LARGE1: variants seen among roughly 807,000 people sequenced by gnomAD.
LARGE1 encodes the protein LARGE xylosyl- and glucuronyltransferase 1.
Under a neutral mutation model 87.6 loss-of-function variants are expected in LARGE1, and 43 were observed. The observed-to-expected ratio is 0.49, with a 90% CI of 0.38 to 0.63. The LOEUF (loss-of-function observed/expected upper bound fraction) is 0.63. LARGE1 is among the 30% of genes least tolerant of loss of function. The probability of loss-of-function intolerance (pLI) is 0.00; values close to 1 mark genes in which losing one functional copy is unlikely to be tolerated. For missense variants in LARGE1, 802 were observed against 1,000.2 expected (o/e 0.80, Z 2.67); for synonymous variants, 434 against 394.6 (o/e 1.10, Z -1.18).
chr22:33,342,259 T>C lies in LARGE1; in HGVS notation c.1132-4458A>G, dbSNP rs573780321. ...CAGCAGGAAGGTTGATGGATGTGGA[T>C]CTGACTGAGGAAATGTTAAGCTTCT... On this transcript the variant is annotated intron_variant, in intron 9 of 14. Transcript: ENST00000397394. Among the ~76,000 whole-genome samples the C allele has an allele frequency of 2.0e-5, 3 of 152,268 alleles. No homozygotes were observed. In the South Asian group the frequency reaches 6.2e-4, roughly 32 times the overall value.
rs536294580 is a variant in LARGE1, at chr22:33,739,487, C to T, written c.106+21884G>A. ...CCTGGTCTAATTTACCCTGCAGCCA[C>T]GCAAGACAATGAAGTTGGGAATTTC... On this transcript the variant is annotated intron_variant, in intron 2 of 14. Transcript: ENST00000397394. Among the ~76,000 whole-genome samples, 78 of 152,308 alleles carry T rather than the reference C, an allele frequency of 5.1e-4. No homozygotes were observed. In the South Asian group the frequency reaches 0.01, roughly 20 times the overall value.
intron 6 of LARGE1, among the ~76,000 whole-genome samples, chr22:33,480,414 C>T (rs1418367710): frequency 2.1e-3 from 5 of 2,392 alleles, no homozygotes; most frequent in East Asian, 0.12. Context: ...AGAAGTCAAG[C>T]GGGTATAATC....
intron 6 of LARGE1, among the ~76,000 whole-genome samples, chr22:33,482,233 G>A (rs1162194211): frequency 6.6e-6 from 1 of 152,096 alleles, no homozygotes; most frequent in Non-Finnish European, 1.5e-5. Context: ...AAAACCTCTC[G>A]GAGACTCTAT....
intron 6 of LARGE1, among the ~76,000 whole-genome samples, chr22:33,444,380 T>C (rs1318923692): frequency 6.6e-6 from 1 of 152,364 alleles, no homozygotes; most frequent in South Asian, 2.1e-4. Flanking sequence ...TTAATTTTTT[T>C]CCCCTTATAG....
At chr22:33,625,942 A>C (rs548947881) in intron 4 of LARGE1, among the ~76,000 whole-genome samples, 1 of 152,318 alleles carries the variant, frequency 6.6e-6, no homozygotes, top group East Asian at 1.9e-4. Context: ...ATAACAACTG[A>C]GATCTGGTAA....
the LARGE1 span, among the ~76,000 whole-genome samples, chr22:33,118,790 G>A: frequency 6.6e-6 from 1 of 152,320 alleles, no homozygotes; most frequent in African/African-American, 2.4e-5. Flanking sequence ...TTCTATTTTG[G>A]TTGTAATTGA....
chr22:33,331,410 CTT>C (rs35310608), intron 10 of LARGE1, among the ~76,000 whole-genome samples: 6,657 of 135,286 alleles, frequency 0.049, 245 homozygotes, highest in African/African-American at 0.11. Flanking sequence ...CTCTTCTTAT[CTT>C]TTTTTTTTTT....
Position 33,528,758 on chromosome 22 carries a change from C to A in LARGE1, c.787+36090G>T, listed in dbSNP as rs1485153188. ...GGGGCATAACGAGGTATGTTTGACA[C>A]TGACACCCCCAACCCATCACGGCCG... is the stretch of plus-strand genomic sequence containing the variant. On this transcript the variant is annotated intron_variant, in intron 6 of 14. Coordinates refer to ENST00000397394, the MANE Select transcript of LARGE1 (RefSeq NM_133642.5). 2.0e-5 allele frequency among the ~76,000 whole-genome samples: 3 copies of A among 152,172 alleles called. No individual in the cohort carries two copies. The East Asian group carries it at 5.8e-4, about 29-fold the overall frequency.
In LARGE1 at chr22:33,482,544, G is replaced by A. The variant is rs191308667; in HGVS notation, c.788-50279C>T. Among the ~76,000 whole-genome samples the A allele has an allele frequency of 9.8e-4, 149 of 152,170 alleles. 1 individual carries two copies. The highest frequency in any genetic ancestry group is 3.2e-3 in the African/African-American group (131 of 41,526). On this transcript the variant is annotated intron_variant, in intron 6 of 14. Coordinates refer to ENST00000397394, the MANE Select transcript of LARGE1 (RefSeq NM_133642.5). Reference sequence around the variant, plus strand: ...AGAGCATCACACACTGGGGCCTGTCGGGAGGTTGGGGGCTAGGGGAGAGAG... The same window carrying A: ...AGAGCATCACACACTGGGGCCTGTCAGGAGGTTGGGGGCTAGGGGAGAGAG...
chr22:33,798,183 CAG>C (rs1349443322), intron 1 of LARGE1, among the ~76,000 whole-genome samples: 3 of 152,108 alleles, frequency 2.0e-5, no homozygotes, highest in African/African-American at 7.2e-5. Flanking sequence ...CCCAGCTACT[CAG>C]AGGCTGAGGC....
intron 1 of LARGE1, among the ~76,000 whole-genome samples, chr22:33,781,431 G>A (rs1258719199): frequency 1.3e-5 from 2 of 152,174 alleles, no homozygotes; most frequent in Non-Finnish European, 2.9e-5. Flanking sequence ...AACCTGGGAG[G>A]TGGAGGTTGC....
intron 2 of LARGE1, among the ~76,000 whole-genome samples, chr22:33,671,916 T>C (rs985157912): frequency 1.3e-5 from 2 of 152,226 alleles, no homozygotes; most frequent in East Asian, 1.9e-4. Flanking sequence ...CAATAAAGAA[T>C]ACTGACAATT....
chr22:33,436,749 A>G (rs713740), intron 6 of LARGE1: 97,136 of 152,430 alleles, frequency 0.64, 32,618 homozygotes, highest in African/African-American at 0.86. Context: ...CCAGCATGCC[A>G]ACAGATAGCC....
At chr22:33,742,049 G>A (rs2083904897) in intron 2 of LARGE1, among the ~76,000 whole-genome samples, 1 of 152,176 alleles carries the variant, frequency 6.6e-6, no homozygotes, top group Non-Finnish European at 1.5e-5. Context: ...TTGCTCATAT[G>A]TAAGATGGGG....
At position 33,887,119 on chromosome 22, in the gene LARGE1, G is replaced by A. The variant is rs184388094; in HGVS notation, c.-83+32876C>T. On this transcript the variant is annotated intron_variant, in intron 1 of 14. Coordinates refer to ENST00000397394, the MANE Select transcript of LARGE1 (RefSeq NM_133642.5). The stretch of plus-strand genomic sequence containing the variant: ...GAATTCCAAGTGAAAAGAACAGCAC[G>A]TGAACATCGAATGAGTTCTGCTGTG... Among the ~76,000 whole-genome samples the A allele has an allele frequency of 5.3e-5, 8 of 152,256 alleles. No homozygotes were observed. The East Asian group carries it at 5.8e-4, about 11-fold the overall frequency.
At chr22:33,066,781 C>A in the LARGE1 span, among the ~76,000 whole-genome samples, 1 of 152,184 alleles carries the variant, frequency 6.6e-6, no homozygotes, top group African/African-American at 2.4e-5. Flanking sequence ...AGAAGCTAGA[C>A]AACTGGCTTT....
chr22:33,388,856 A>C (rs2065417691), intron 7 of LARGE1, among the ~76,000 whole-genome samples: 1 of 152,104 alleles, frequency 6.6e-6, no homozygotes, highest in Admixed American at 6.6e-5. Context: ...GGTGTGAGCC[A>C]CCACGCCTGG....
chr22:33,834,664 T>C (rs1401272123), intron 1 of LARGE1, among the ~76,000 whole-genome samples: 1 of 152,262 alleles, frequency 6.6e-6, no homozygotes. Flanking sequence ...TGGTGGTCTC[T>C]TCACACGGAC....
the LARGE1 span, among the ~76,000 whole-genome samples, chr22:33,136,934 TA>T: frequency 2.3e-3 from 346 of 147,834 alleles, 1 homozygote; most frequent in African/African-American, 7.6e-3. Context: ...AATATTAAGG[TA>T]AAAAAAAAAA....
Sources: allele counts gnomAD v4.1 joint callset (sites outside exome capture counted in the v4.1 genomes callset), GRCh38; gene constraint gnomAD v4.1.1; transcripts MANE v1.5; gene names NCBI Gene and HGNC (gene_info 2026-07-23, HGNC 2026-07-21).